CLSTN2: variants seen among roughly 807,000 people sequenced by gnomAD.
CLSTN2 encodes calsyntenin 2.
Under a neutral mutation model 101.2 loss-of-function variants are expected in CLSTN2, and 48 were observed. The observed-to-expected ratio is 0.47, with a 90% confidence interval of 0.38 to 0.60. CLSTN2 has a LOEUF of 0.60. CLSTN2 is among the 20% of genes least tolerant of loss of function. The probability of loss-of-function intolerance (pLI) is 0.00; values close to 1 mark genes in which losing one functional copy is unlikely to be tolerated. For synonymous variants in CLSTN2, 481 were observed against 463.6 expected (o/e 1.04, Z -0.48); for missense variants, 1,160 against 1,238.2 (o/e 0.94, Z 0.95).
At chr3:140,527,393 AG>A (rs1935166403) in intron 8 of CLSTN2, among the ~76,000 whole-genome samples, 1 of 152,220 alleles carries the variant, frequency 6.6e-6, no homozygotes, top group South Asian at 2.1e-4. Flanking sequence ...ATCTCATACC[AG>A]TCAGAATGGC....
intron 2 of CLSTN2, among the ~76,000 whole-genome samples, chr3:140,372,316 C>A (rs2087867811): frequency 6.6e-6 from 1 of 152,156 alleles, no homozygotes; most frequent in Non-Finnish European, 1.5e-5. Context: ...GAGCTGTCTG[C>A]AGTTCTCCCA....
intron 10 of CLSTN2, among the ~76,000 whole-genome samples, chr3:140,553,437 G>A (rs1935743525): frequency 6.6e-6 from 1 of 152,120 alleles, no homozygotes; most frequent in Admixed American, 6.5e-5. Context: ...GTTGCATTTT[G>A]TACTAGAACT....
chr3:140,249,180 T>C (rs1440642929), intron 2 of CLSTN2, among the ~76,000 whole-genome samples: 1 of 152,136 alleles, frequency 6.6e-6, no homozygotes, highest in African/African-American at 2.4e-5. Context: ...GTGTAAGCCT[T>C]ACTCTAACAA....
rs148477128 is a variant in CLSTN2, at chr3:140,177,420, C to T, written c.232+1347C>T. ...GGTATTAGTCAGTAATTATCAGCAACCTCCGGAAATGAGATTTTTAAACAA... is the reference window on the plus strand; with the variant it reads ...GGTATTAGTCAGTAATTATCAGCAATCTCCGGAAATGAGATTTTTAAACAA... On this transcript the variant is annotated intron_variant, in intron 2 of 16. Transcript: ENST00000458420. Among the ~76,000 whole-genome samples the T allele has an allele frequency of 5.3e-3, 803 of 152,240 alleles. 10 individuals are homozygous for T. The highest frequency in any genetic ancestry group is 0.018 in the African/African-American group (765 of 41,542).
chr3:140,277,532 C>G (rs1169484632), intron 2 of CLSTN2, among the ~76,000 whole-genome samples: 5 of 152,308 alleles, frequency 3.3e-5, no homozygotes, highest in South Asian at 2.1e-4. Flanking sequence ...TGAAAAATAA[C>G]AAGGTTAAGT....
intron 2 of CLSTN2, among the ~76,000 whole-genome samples, chr3:140,264,872 A>G (rs2086682444): frequency 1.3e-5 from 2 of 152,096 alleles, no homozygotes. Flanking sequence ...TGCTTCCAAC[A>G]CATTTATTGA....
chr3:140,328,347 C>T (rs2087350615), intron 2 of CLSTN2, among the ~76,000 whole-genome samples: 1 of 152,236 alleles, frequency 6.6e-6, no homozygotes, highest in African/African-American at 2.4e-5. Context: ...AGGGCAGACT[C>T]ACCCTCCACA....
chr3:140,193,654 C>T (rs1251096986), intron 2 of CLSTN2, among the ~76,000 whole-genome samples: 1 of 151,982 alleles, frequency 6.6e-6, no homozygotes, highest in African/African-American at 2.4e-5. Context: ...GTTTGTTCAA[C>T]TACTTGAATC....
At position 140,574,216 on chromosome 3, in the gene CLSTN2, TTG is replaced by T. The variant is rs1985660681; in HGVS notation, c.*7966_*7967del. 6.6e-6 allele frequency: 1 copy of T among 152,082 alleles called. No individual in the cohort carries two copies. The highest frequency in any genetic ancestry group is 1.5e-5 in the Non-Finnish European group (1 of 68,026). The allele number at this position is 152,082 out of a possible 1,614,324, so 9.4% of individuals were successfully genotyped here. A position where few individuals can be genotyped will look rare whatever the true frequency, so the allele number is the denominator to read the frequency against. On this transcript the variant is annotated 3_prime_UTR_variant, in exon 17 of 17. Transcript: ENST00000458420. ...AGCCTCCTCCAACTTCCTTCTCGGT[TTG>T]TGAGTCAAGGTCCTTTGTAAAATCA... is the stretch of plus-strand genomic sequence containing the variant.
intron 2 of CLSTN2, among the ~76,000 whole-genome samples, chr3:140,223,495 G>A (rs1336312877): frequency 2.0e-5 from 3 of 152,114 alleles, no homozygotes; most frequent in Non-Finnish European, 4.4e-5. Flanking sequence ...TGCATGCTCC[G>A]AGAGATGCAC....
At chr3:140,064,105 T>C (rs986569465) in intron 1 of CLSTN2, among the ~76,000 whole-genome samples, 3 of 152,196 alleles carry the variant, frequency 2.0e-5, no homozygotes, top group Admixed American at 6.5e-5. Context: ...TCTGGGGAGC[T>C]GCCTCTCAGT....
chr3:140,258,923 G>T (rs2086625994), intron 2 of CLSTN2, among the ~76,000 whole-genome samples: 1 of 152,124 alleles, frequency 6.6e-6, no homozygotes. Flanking sequence ...GGAAAATCAT[G>T]TATATATGCA....
chr3:140,430,834 A>G (rs2088621289), intron 5 of CLSTN2, among the ~76,000 whole-genome samples: 1 of 152,216 alleles, frequency 6.6e-6, no homozygotes, highest in Non-Finnish European at 1.5e-5. Context: ...GATAAGGAAA[A>G]CTTAGAGAGA....
rs746617795 is a variant in CLSTN2, at chr3:140,576,691, C to T, written c.*10438C>T. ...CTTGCAGAATCACCTTCAATCACTG[C>T]TACTGTCTGGGCCATTACTGCCAGT... is the stretch of plus-strand genomic sequence containing the variant. On this transcript the variant is annotated 3_prime_UTR_variant, in exon 17 of 17. Coordinates refer to ENST00000458420, the MANE Select transcript of CLSTN2 (RefSeq NM_022131.3). 5 of 152,244 alleles carry T rather than the reference C, an allele frequency of 3.3e-5. No homozygotes were observed. The highest frequency in any genetic ancestry group is 4.8e-5 in the African/African-American group (2 of 41,438). 9.4% of individuals were successfully genotyped at this position (152,244 alleles called of 1,614,324 possible). A position where few individuals can be genotyped will look rare whatever the true frequency, so the allele number is the denominator to read the frequency against.
At chr3:140,333,106 G>A (rs1015095561) in intron 2 of CLSTN2, among the ~76,000 whole-genome samples, 7 of 152,190 alleles carry the variant, frequency 4.6e-5, no homozygotes, top group Admixed American at 6.5e-5. Flanking sequence ...GGAGCTCACC[G>A]AATGTTGGAT....
intron 2 of CLSTN2, among the ~76,000 whole-genome samples, chr3:140,388,442 G>T (rs961690464): frequency 2.0e-5 from 3 of 152,214 alleles, no homozygotes; most frequent in Non-Finnish European, 4.4e-5. Flanking sequence ...AACATCAGCA[G>T]TTATTTTTGC....
chr3:139,936,422 A>T (rs141776536), intron 1 of CLSTN2, among the ~76,000 whole-genome samples: 3 of 152,156 alleles, frequency 2.0e-5, no homozygotes, highest in African/African-American at 7.2e-5. Flanking sequence ...CAGCTTAGTG[A>T]TAACTTGTTG....
At chr3:140,519,320 G>A (rs1483387458) in intron 8 of CLSTN2, among the ~76,000 whole-genome samples, 1 of 152,244 alleles carries the variant, frequency 6.6e-6, no homozygotes, top group East Asian at 1.9e-4. Context: ...GGAGAGTTCT[G>A]TAGATAGCTA....
intron 9 of CLSTN2, among the ~76,000 whole-genome samples, chr3:140,542,410 T>C (rs994845961): frequency 7.9e-5 from 12 of 152,188 alleles, no homozygotes; most frequent in African/African-American, 2.7e-4. Context: ...TGCAAACATT[T>C]AAGGAAGATT....
Sources: gnomAD v4.1 joint callset for allele counts (sites outside exome capture counted in the v4.1 genomes callset) on GRCh38, gnomAD v4.1.1 for gene constraint, MANE v1.5 for transcripts, NCBI Gene and HGNC (gene_info 2026-07-23, HGNC 2026-07-21) for gene names.